Variants in PDE1B observed in about 807,000 individuals in gnomAD.
PDE1B encodes phosphodiesterase 1B, also known as dual specificity calcium/calmodulin-dependent 3',5'-cyclic nucleotide phosphodiesterase 1B.
In PDE1B, 13 loss-of-function variants were observed where a neutral mutation model predicts 66.7. The observed-to-expected ratio is 0.19, with a 90% CI of 0.13 to 0.31. PDE1B has a LOEUF of 0.31. Ranked by LOEUF, PDE1B falls within the 10% of genes least tolerant of loss-of-function variation. The pLI, the probability that PDE1B is intolerant of heterozygous loss-of-function variation, is 1.00. For missense variants in PDE1B, 485 were observed against 682.3 expected, an observed-to-expected ratio of 0.71 and a Z score of 3.22; for synonymous variants, 230 against 253.9, an observed-to-expected ratio of 0.91 and a Z score of 0.90.
At chr12:54,556,438 C>T (rs1957342787) in intron 2 of PDE1B, among the ~76,000 whole-genome samples, 1 of 152,224 alleles carries the variant, frequency 6.6e-6, no homozygotes, top group Non-Finnish European at 1.5e-5. Context: ...CCTTAGTGCC[C>T]CTGCCCTTGC....
At chr12:54,553,758 C>T (rs76116980) in intron 2 of PDE1B, among the ~76,000 whole-genome samples, 104 of 151,926 alleles carry the variant, frequency 6.8e-4, no homozygotes, top group East Asian at 6.4e-3. Context: ...GAGGGTGATG[C>T]TTAAAAGATA....
chr12:54,570,198 T>G (rs181181870), intron 5 of PDE1B, 43 bp from the exon 6 acceptor site: 1 of 1,203,924 alleles, frequency 8.3e-7, no homozygotes, highest in East Asian at 2.3e-5. Flanking sequence ...ACTTCAACCC[T>G]TGCTGCTGCT....
At position 54,573,716 on chromosome 12, in the gene PDE1B, T is replaced by G. The variant is rs769477563; in HGVS notation, c.1064+7T>G. 8.7e-6 allele frequency: 14 copies of G among 1,609,042 alleles called. No homozygotes were observed. The Admixed American group carries it at 2.0e-4, about 23-fold the overall frequency. Reference sequence around the variant, plus strand: ...CCTTGCAACAGCTGGAGAGGTGGCATCTGGTGGGGTGTGGCTGGGGCCAGG... The same window carrying G: ...CCTTGCAACAGCTGGAGAGGTGGCAGCTGGTGGGGTGTGGCTGGGGCCAGG... On this transcript the variant is annotated splice_region_variant and intron_variant, in intron 10 of 15. Transcript: ENST00000243052. The surrounding 1 kb of genome is among the most constrained non-coding windows in gnomAD (Gnocchi z 5.2).
At chr12:54,560,710 C>A (rs1957395649) in intron 2 of PDE1B, among the ~76,000 whole-genome samples, 1 of 152,190 alleles carries the variant, frequency 6.6e-6, no homozygotes, top group Non-Finnish European at 1.5e-5. Flanking sequence ...GTCCTCAGAC[C>A]CCTTCTGGGT....
intron 2 of PDE1B, among the ~76,000 whole-genome samples, chr12:54,564,695 T>C (rs572913902): frequency 6.6e-6 from 1 of 152,152 alleles, no homozygotes; most frequent in East Asian, 1.9e-4. Flanking sequence ...TGGACAGAAA[T>C]ACTGATTCAG....
At chr12:54,553,741 T>C (rs1957309124) in intron 2 of PDE1B, among the ~76,000 whole-genome samples, 1 of 152,088 alleles carries the variant, frequency 6.6e-6, no homozygotes, top group Admixed American at 6.6e-5. Context: ...TGATGCTGTT[T>C]TTTTGAGAGG....
chr12:54,575,087 G>C lies in PDE1B; in HGVS notation c.1065-11G>C. ...ATCAGTCTCCCTTCCCTTGCCATCT[G>C]CCCCAACCAGGATTGACAAGCCCAA... On this transcript the variant is annotated splice_polypyrimidine_tract_variant and intron_variant, in intron 10 of 15. Transcript: ENST00000243052. The surrounding 1 kb of genome is among the most constrained non-coding windows in gnomAD (Gnocchi z 4.0). 6.2e-7 allele frequency: 1 copy of C among 1,612,472 alleles called. No homozygotes were observed. The highest frequency in any genetic ancestry group is 1.1e-5 in the South Asian group (1 of 90,904).
chr12:54,562,811 A>G (rs1957442266), intron 2 of PDE1B, among the ~76,000 whole-genome samples: 2 of 152,164 alleles, frequency 1.3e-5, no homozygotes, highest in South Asian at 2.1e-4. Context: ...TAGACTTCCC[A>G]TTTGTCAAAT....
At chr12:54,562,407 G>A (rs1269186830) in intron 2 of PDE1B, among the ~76,000 whole-genome samples, 2 of 152,220 alleles carry the variant, frequency 1.3e-5, no homozygotes, top group South Asian at 2.1e-4. Context: ...GAAAGAAGTG[G>A]TGGTGGTGAA....
chr12:54,575,020 G>T lies in PDE1B; in HGVS notation c.1065-78G>T, dbSNP rs548823432. 2 of 1,212,098 alleles carry T rather than the reference G, an allele frequency of 1.7e-6. No homozygotes were observed. Among genetic ancestry groups the T allele is most frequent in the African/African-American group, 3.0e-5 (2 of 65,586 alleles). 75.1% of individuals were successfully genotyped at this position (1,212,098 alleles called of 1,614,324 possible). On this transcript the variant is annotated intron_variant, in intron 10 of 15. Coordinates refer to ENST00000243052, the MANE Select transcript of PDE1B (RefSeq NM_000924.4). This position sits in a 1 kb window ranked among gnomAD's most constrained non-coding sequence, Gnocchi z 4.0. ...GAAGAAGTTATGTGATAGGGTGTGC[G>T]TGGGAAGTTAGGGAATGGTCCTAAC...
chr12:54,550,806 G>A (rs1279053319), intron 2 of PDE1B, among the ~76,000 whole-genome samples: 1 of 152,182 alleles, frequency 6.6e-6, no homozygotes. Flanking sequence ...AATGGGGGAA[G>A]GAAGAACTCA....
At chr12:54,560,563 T>TTGG (rs1957392497) in intron 2 of PDE1B, among the ~76,000 whole-genome samples, 1 of 152,158 alleles carries the variant, frequency 6.6e-6, no homozygotes, top group South Asian at 2.1e-4. Flanking sequence ...CGTACATGTA[T>TTGG]TGGTGGCGAC....
At chr12:54,557,036 T>G (rs886286256) in intron 2 of PDE1B, among the ~76,000 whole-genome samples, 1 of 152,162 alleles carries the variant, frequency 6.6e-6, no homozygotes, top group Non-Finnish European at 1.5e-5. Flanking sequence ...ATGTCCCTAG[T>G]TCTCTTCTCT....
At position 54,570,568 on chromosome 12, in the gene PDE1B, C is replaced by G. The variant is rs1957597996; in HGVS notation, c.594+211C>G. 3 of 553,436 alleles carry G rather than the reference C, an allele frequency of 5.4e-6. No homozygotes were observed. The South Asian group carries it at 6.6e-5, about 12-fold the overall frequency. The allele number at this position is 553,436 out of a possible 1,614,324, so 34.3% of individuals were successfully genotyped here. ...ATTAATTGATTTCTAGGGGGAGATTCTCGGTCTGCAACCATCTAGCCTGGG... is the reference window on the plus strand; with the variant it reads ...ATTAATTGATTTCTAGGGGGAGATTGTCGGTCTGCAACCATCTAGCCTGGG... On this transcript the variant is annotated intron_variant, in intron 6 of 15. Coordinates refer to ENST00000243052, the MANE Select transcript of PDE1B (RefSeq NM_000924.4).
Position 54,574,669 on chromosome 12 carries a change from G to C in PDE1B, c.1065-429G>C, listed in dbSNP as rs553476543. 212 of 171,068 alleles carry C rather than the reference G, an allele frequency of 1.2e-3. 1 individual carries two copies. Among genetic ancestry groups the C allele is most frequent in the African/African-American group, 4.6e-3 (192 of 41,710 alleles). The allele number at this position is 171,068 out of a possible 1,614,324, so 10.6% of individuals were successfully genotyped here. A position where few individuals can be genotyped will look rare whatever the true frequency, so the allele number is the denominator to read the frequency against. ...TGTGGGGTGTGTGTGTAGCTTTGGA[G>C]GGTGTTTGAAGTTATGTGAGGCCGG... On this transcript the variant is annotated intron_variant, in intron 10 of 15. Coordinates refer to ENST00000243052, the MANE Select transcript of PDE1B (RefSeq NM_000924.4).
At position 54,569,732 on chromosome 12, in the gene PDE1B, C is replaced by A; in HGVS notation, c.477+120C>A. ...CTTTTTTTTTTTTGAAATGGAGTCT[C>A]GCTCTTGTCACTCAGGCTGGAGTGC... On this transcript the variant is annotated intron_variant, in intron 5 of 15. Coordinates refer to ENST00000243052, the MANE Select transcript of PDE1B (RefSeq NM_000924.4). The surrounding 1 kb of genome is among the most constrained non-coding windows in gnomAD (Gnocchi z 4.4). 1 of 684,206 alleles carries A rather than the reference C, an allele frequency of 1.5e-6. No homozygotes were observed. Among genetic ancestry groups the A allele is most frequent in the East Asian group, 2.7e-5 (1 of 37,100 alleles). The allele number at this position is 684,206 out of a possible 1,614,324, so 42.4% of individuals were successfully genotyped here.
chr12:54,561,574 CTT>C (rs1265362592), intron 2 of PDE1B: 9 of 1,521,154 alleles, frequency 5.9e-6, no homozygotes, highest in Admixed American at 2.0e-5. Context: ...AAGCAGGAAA[CTT>C]TGATTCCCAT....
At chr12:54,566,576 A>T (rs918036283) in intron 2 of PDE1B, among the ~76,000 whole-genome samples, 2 of 152,210 alleles carry the variant, frequency 1.3e-5, no homozygotes, top group East Asian at 1.9e-4. Context: ...GGGGGAAATA[A>T]GCAGTTTCAG....
intron 2 of PDE1B, among the ~76,000 whole-genome samples, chr12:54,553,235 T>G (rs538079998): frequency 1.4e-4 from 22 of 152,364 alleles, no homozygotes; most frequent in Non-Finnish European, 2.9e-4. Context: ...AGGGGGGTTA[T>G]ATACATAGGA....
Sources: allele counts gnomAD v4.1 joint callset (sites outside exome capture counted in the v4.1 genomes callset), GRCh38; gene constraint gnomAD v4.1.1; non-coding constraint Gnocchi (gnomAD v3.1); transcripts MANE v1.5; gene names NCBI Gene and HGNC (gene_info 2026-07-23, HGNC 2026-07-21).